The following SPEN variants were observed in gnomAD, a reference collection of about 807,000 sequenced individuals.
SPEN encodes the protein msx2-interacting protein.
A neutral mutation model predicts 269.9 loss-of-function variants in SPEN; 18 were observed. The observed-to-expected ratio is 0.07, with a 90% CI of 0.05 to 0.10. SPEN has a LOEUF of 0.10. Among genes scored for constraint, SPEN ranks in the 10% least tolerant of loss-of-function variants. SPEN has a pLI of 1.00. For synonymous variants in SPEN, 1,726 were observed against 1,765.7 expected, an observed-to-expected ratio of 0.98 and a Z score of 0.56; for missense variants, 3,822 against 4,631.2, an observed-to-expected ratio of 0.83 and a Z score of 5.07.
chr1:15,895,089 A>G (rs1490868200), intron 3 of SPEN, among the ~76,000 whole-genome samples: 1 of 151,438 alleles, frequency 6.6e-6, no homozygotes, highest in African/African-American at 2.4e-5. Flanking sequence ...CGCCTGGCTA[A>G]TTTTGTATTT....
chr1:15,861,419 C>T (rs532947516), intron 1 of SPEN, among the ~76,000 whole-genome samples: 75 of 152,166 alleles, frequency 4.9e-4, no homozygotes, highest in Non-Finnish European at 8.4e-4. Flanking sequence ...TGTGAGCCAG[C>T]GTGCCTGGCC....
At chr1:15,871,220 A>G (rs1194308861) in intron 1 of SPEN, among the ~76,000 whole-genome samples, 3 of 152,136 alleles carry the variant, frequency 2.0e-5, no homozygotes, top group Non-Finnish European at 4.4e-5. Context: ...TGCCTGCCTC[A>G]GCCTCCCAAA....
Position 15,937,958 on chromosome 1 carries a change from G to A in SPEN, c.10656G>A (p.Arg3552=), listed in dbSNP as rs145784462. 1.1e-3 allele frequency: 1,780 copies of A among 1,613,756 alleles called. 8 individuals are homozygous for A. Among genetic ancestry groups the A allele is most frequent in the Middle Eastern group, 7.1e-3 (43 of 6,050 alleles). The change falls in exon 13 of 15, where the codon AGG becomes AGA. Residue 3552 remains arginine, a synonymous_variant. Transcript: ENST00000375759. The surrounding 1 kb of genome is among the most constrained non-coding windows in gnomAD (Gnocchi z 5.7). ...GGCCCCCACTAAGGATCGCCCAGAG[G>A]ATGCGGCTGGAGGCAACGCAGCTGG... ...EGGPPLRIAQ[R]MRLEATQLEG...
Position 15,873,074 on chromosome 1 carries a change from T to C in SPEN, c.342T>C (p.Pro114=). Residue 114 remains proline, a synonymous_variant, in exon 2 of 15, where the codon CCT becomes CCC. Coordinates refer to ENST00000375759, the MANE Select transcript of SPEN (RefSeq NM_015001.3). ...GGTTCAGAGGAGGTGGTGGAGGGCC[T>C]GCTTATGGTCCCCCACCGTCACTTC... The part of the protein sequence containing the change: ...VSGFRGGGGG[P]AYGPPPSLHA... 1 of 1,614,150 alleles carries C rather than the reference T, an allele frequency of 6.2e-7. No homozygotes were observed.
chr1:15,934,921 A>T lies in SPEN; in HGVS notation c.8681A>T (p.Asn2894Ile). 1 of 1,613,620 alleles carries T rather than the reference A, an allele frequency of 6.2e-7. No individual in the cohort carries two copies. The highest frequency in any genetic ancestry group is 8.5e-7 in the Non-Finnish European group (1 of 1,179,960). ...TTGGTACTGACCGCCCAGACATATA[A>T]TGCCTCTCCTGTGATTTCGTCTGTG... ...STLVLTAQTY[N>I]ASPVISSVKA... is the part of the protein sequence containing the mutation. The change falls in exon 11 of 15, where the codon AAT (asparagine) becomes ATT (isoleucine). Residue 2894 changes from asparagine (N) to isoleucine (I), a missense_variant. Transcript: ENST00000375759. This position sits in a 1 kb window ranked among gnomAD's most constrained non-coding sequence, Gnocchi z 9.2.
At chr1:15,867,712 C>CTTT (rs796378051) in intron 1 of SPEN, among the ~76,000 whole-genome samples, 3 of 138,044 alleles carry the variant, frequency 2.2e-5, no homozygotes, top group African/African-American at 5.4e-5. Flanking sequence ...TTGTCATTGC[C>CTTT]TTTTTTTTTT....
In SPEN at chr1:15,936,208, C is replaced by G. The variant is rs1217413643; in HGVS notation, c.9968C>G (p.Thr3323Ser). The G allele has an allele frequency of 6.4e-7, 1 of 1,571,418 alleles. No individual in the cohort carries two copies. ...CACCCCCCGGCCCAGCTCACACACA[C>G]TCAGTTTCCCGCCGCTTCCTCTGTT... The part of the protein sequence containing the change: ...TYHPPAQLTH[T>S]QFPAASSVGL... The change falls in exon 11 of 15, where the codon ACT (threonine) becomes AGT (serine). Residue 3323 changes from threonine (T) to serine (S), a missense_variant. Thr to Ser is a moderately conservative substitution (Grantham distance 58, BLOSUM62 1). Transcript: ENST00000375759.
At chr1:15,899,336 G>A (rs1463841092) in intron 3 of SPEN, among the ~76,000 whole-genome samples, 2 of 151,896 alleles carry the variant, frequency 1.3e-5, no homozygotes, top group Non-Finnish European at 2.9e-5. Flanking sequence ...CACCATGCCT[G>A]GCTAATCGTT....
At chr1:15,883,551 G>A (rs982984375) in intron 3 of SPEN, among the ~76,000 whole-genome samples, 1 of 151,738 alleles carries the variant, frequency 6.6e-6, no homozygotes, top group Non-Finnish European at 1.5e-5. Flanking sequence ...CTCCTGAGTA[G>A]CTGGGACTAT....
At chr1:15,853,901 G>T (rs1228336741) in intron 1 of SPEN, among the ~76,000 whole-genome samples, 1 of 152,008 alleles carries the variant, frequency 6.6e-6, no homozygotes, top group Non-Finnish European at 1.5e-5. Flanking sequence ...TCCTGATCTC[G>T]TGATTTGTGC....
Position 15,940,298 on chromosome 1 carries a change from G to A in SPEN, c.*871G>A, listed in dbSNP as rs2071332401. 1 of 233,072 alleles carries A rather than the reference G, an allele frequency of 4.3e-6. No individual in the cohort carries two copies. The allele number at this position is 233,072 out of a possible 1,614,324, so 14.4% of individuals were successfully genotyped here. A position where few individuals can be genotyped will look rare whatever the true frequency, so the allele number is the denominator to read the frequency against. On this transcript the variant is annotated 3_prime_UTR_variant, in exon 15 of 15. Transcript: ENST00000375759. ...CTCCCGCGATGTGGAAGTGTCACACGGCACCTGTACAAAAAGACTGGCTAA... is the reference window on the plus strand; with the variant it reads ...CTCCCGCGATGTGGAAGTGTCACACAGCACCTGTACAAAAAGACTGGCTAA...
chr1:15,875,893 G>A (rs113760719), intron 2 of SPEN, among the ~76,000 whole-genome samples: 24 of 152,274 alleles, frequency 1.6e-4, no homozygotes, highest in African/African-American at 5.8e-4. Flanking sequence ...CCGTTAACAT[G>A]AAAAGGAGAT....
intron 10 of SPEN, among the ~76,000 whole-genome samples, chr1:15,925,594 ATT>A (rs369915074): frequency 3.5e-5 from 5 of 143,834 alleles, no homozygotes; most frequent in Non-Finnish European, 6.1e-5. Flanking sequence ...TTTTTATTAA[ATT>A]TTTTTTTTTT....
chr1:15,863,083 C>T (rs1360406165), intron 1 of SPEN, among the ~76,000 whole-genome samples: 4 of 152,068 alleles, frequency 2.6e-5, no homozygotes, highest in Admixed American at 6.6e-5. Context: ...TTTTCCCATT[C>T]TCAGTGGGTA....
intron 3 of SPEN, among the ~76,000 whole-genome samples, chr1:15,878,069 C>T (rs1236622779): frequency 6.6e-6 from 1 of 151,760 alleles, no homozygotes; most frequent in Admixed American, 6.6e-5. Flanking sequence ...TTAATAAGGA[C>T]CTTAATAAAG....
chr1:15,938,043 C>A (rs927401966), intron 13 of SPEN, 37 bp downstream of exon 13: 1 of 1,553,602 alleles, frequency 6.4e-7, no homozygotes, highest in Non-Finnish European at 8.7e-7. Flanking sequence ...ACTGCCCCAC[C>A]TACAGGGAGG....
At position 15,934,181 on chromosome 1, in the gene SPEN, C is replaced by A. The variant is rs1470199471; in HGVS notation, c.7941C>A (p.Leu2647=). 6.2e-7 allele frequency: 1 copy of A among 1,614,250 alleles called. No individual in the cohort carries two copies. The highest frequency in any genetic ancestry group is 1.7e-5 in the Admixed American group (1 of 60,034). Residue 2647 remains leucine (L), a synonymous_variant, in exon 11 of 15, where the codon CTC becomes CTA. Coordinates refer to ENST00000375759, the MANE Select transcript of SPEN (RefSeq NM_015001.3). The surrounding 1 kb of genome is among the most constrained non-coding windows in gnomAD (Gnocchi z 9.2). The stretch of plus-strand genomic sequence containing the variant: ...TGGCAAAACCAGCTCCTCAAACCCT[C>A]ACTGGTCTGGTGAGCGCACTCACTG... ...ITLAKPAPQT[L]TGLVSALTGL...
At chr1:15,878,787 A>G (rs186729927) in intron 3 of SPEN, among the ~76,000 whole-genome samples, 323 of 152,224 alleles carry the variant, frequency 2.1e-3, no homozygotes, top group Non-Finnish European at 3.4e-3. Flanking sequence ...AGGCAGGTGG[A>G]TCACCTGAGG....
At chr1:15,919,589 C>G in intron 8 of SPEN, 72 bp downstream of exon 8, 1 of 932,466 alleles carries the variant, frequency 1.1e-6, no homozygotes, top group Non-Finnish European at 1.6e-6. Flanking sequence ...CTTTCAGTCT[C>G]AGTTGGCTAG....
Sources: gnomAD v4.1 joint callset for allele counts (sites outside exome capture counted in the v4.1 genomes callset) on GRCh38, gnomAD v4.1.1 for gene constraint, Gnocchi (gnomAD v3.1) non-coding constraint, MANE v1.5 for transcripts, NCBI Gene and HGNC (gene_info 2026-07-23, HGNC 2026-07-21) for gene names.